Variants in MAP3K7 observed in about 807,000 individuals in gnomAD.
The protein encoded by MAP3K7 is mitogen-activated protein kinase kinase kinase 7.
In MAP3K7, 21 loss-of-function variants were observed where a neutral mutation model predicts 84.8. That is an observed-to-expected ratio of 0.25 (90% CI 0.18 to 0.36). The LOEUF (loss-of-function observed/expected upper bound fraction) is 0.36, where lower values mean the gene tolerates loss of function less well. MAP3K7 is among the 10% of genes least tolerant of loss of function. MAP3K7 has a pLI of 1.00. For synonymous variants in MAP3K7, 241 were observed against 247.7 expected, an observed-to-expected ratio of 0.97 and a Z score of 0.25; for missense variants, 503 against 747.7, an observed-to-expected ratio of 0.67 and a Z score of 3.82.
At chr6:90,543,706 A>G (rs941072898) in intron 12 of MAP3K7, among the ~76,000 whole-genome samples, 1 of 152,082 alleles carries the variant, frequency 6.6e-6, no homozygotes, top group Admixed American at 6.6e-5. Flanking sequence ...TGTGTGGAAA[A>G]TATGTATTTC....
intron 8 of MAP3K7, chr6:90,551,222 G>C (rs1776169425): frequency 1.3e-5 from 2 of 152,096 alleles, no homozygotes; most frequent in African/African-American, 2.4e-5. Context: ...TAGTAGATTA[G>C]TTCAAGCTGC....
At chr6:90,518,826 G>A (rs895733142) in intron 15 of MAP3K7, among the ~76,000 whole-genome samples, 1 of 151,680 alleles carries the variant, frequency 6.6e-6, no homozygotes, top group African/African-American at 2.4e-5. Flanking sequence ...GACATTTCAG[G>A]CTGCAAACAG....
chr6:90,555,306 A>T (rs1164180796), intron 6 of MAP3K7, among the ~76,000 whole-genome samples: 1 of 151,564 alleles, frequency 6.6e-6, no homozygotes, highest in Non-Finnish European at 1.5e-5. Flanking sequence ...CCCAGGCTGG[A>T]GTGCAGTGGC....
chr6:90,548,382 T>C (rs771855411), intron 9 of MAP3K7, among the ~76,000 whole-genome samples: 2 of 152,172 alleles, frequency 1.3e-5, no homozygotes, highest in East Asian at 1.9e-4. Flanking sequence ...GATGCCTAAA[T>C]AGTCTTCTAA....
intron 3 of MAP3K7, among the ~76,000 whole-genome samples, chr6:90,566,020 A>G (rs1288060838): frequency 6.6e-6 from 1 of 152,240 alleles, no homozygotes. Context: ...ACAGCCCTTC[A>G]TGCTAAAAAC....
At chr6:90,577,572 GC>G (rs1777129561) in intron 1 of MAP3K7, among the ~76,000 whole-genome samples, 1 of 152,170 alleles carries the variant, frequency 6.6e-6, no homozygotes, top group Non-Finnish European at 1.5e-5. Context: ...GAAGGAATGG[GC>G]AAGGAACAGG....
chr6:90,573,904 G>A (rs530952366), intron 1 of MAP3K7, among the ~76,000 whole-genome samples: 30 of 152,336 alleles, frequency 2.0e-4, no homozygotes, highest in Admixed American at 1.4e-3. Context: ...GTGTTCTGTG[G>A]TTTAGGTTCT....
intron 1 of MAP3K7, among the ~76,000 whole-genome samples, chr6:90,578,785 G>T (rs1777171130): frequency 6.6e-6 from 1 of 152,090 alleles, no homozygotes; most frequent in Admixed American, 6.5e-5. Context: ...CATAAAAAAA[G>T]CTTCCCAGGG....
intron 13 of MAP3K7, among the ~76,000 whole-genome samples, 153 bp downstream of exon 13, chr6:90,536,184 T>C (rs1400722794): frequency 2.6e-5 from 4 of 152,114 alleles, no homozygotes; most frequent in African/African-American, 9.6e-5. Flanking sequence ...CCTATGTTTT[T>C]TTCCCCCCTA....
At chr6:90,584,632 T>C (rs185281547) in intron 1 of MAP3K7, among the ~76,000 whole-genome samples, 2 of 152,250 alleles carry the variant, frequency 1.3e-5, no homozygotes, top group Admixed American at 6.5e-5. Context: ...TCCTTAGTAA[T>C]TTGTTTTTCC....
intron 6 of MAP3K7, among the ~76,000 whole-genome samples, 160 bp from the exon 7 acceptor site, chr6:90,553,746 C>G (rs1776251935): frequency 6.6e-6 from 1 of 152,126 alleles, no homozygotes; most frequent in Admixed American, 6.5e-5. Context: ...GTCTTTTCAA[C>G]AAGTACATTT....
At chr6:90,570,265 T>C (rs1582231909) in intron 2 of MAP3K7, among the ~76,000 whole-genome samples, 4 of 152,256 alleles carry the variant, frequency 2.6e-5, no homozygotes, top group Middle Eastern at 3.4e-3. Flanking sequence ...CAATAACTGA[T>C]AGAGCAGACC....
At chr6:90,571,606 G>T in intron 2 of MAP3K7, 91 bp downstream of exon 2, 1 of 660,290 alleles carries the variant, frequency 1.5e-6, no homozygotes, top group South Asian at 2.8e-5. Context: ...ACAAAGAAAT[G>T]ACATCTGAGA....
chr6:90,564,421 T>C (rs930936089), intron 3 of MAP3K7, among the ~76,000 whole-genome samples: 3 of 152,130 alleles, frequency 2.0e-5, no homozygotes, highest in African/African-American at 7.2e-5. Context: ...GTTGCAATCC[T>C]AGTCTCTGAT....
intron 13 of MAP3K7, among the ~76,000 whole-genome samples, chr6:90,533,351 G>T (rs546900897): frequency 5.1e-4 from 77 of 152,304 alleles, no homozygotes; most frequent in African/African-American, 1.8e-3. Context: ...ATTTATTGCA[G>T]TGAAGGAGAA....
At chr6:90,566,392 A>C (rs1776705709) in intron 3 of MAP3K7, among the ~76,000 whole-genome samples, 1 of 152,200 alleles carries the variant, frequency 6.6e-6, no homozygotes, top group East Asian at 1.9e-4. Flanking sequence ...ATGTGCAAAA[A>C]TCACAAGCAT....
At chr6:90,518,779 A>G (rs1775053924) in intron 15 of MAP3K7, among the ~76,000 whole-genome samples, 1 of 151,850 alleles carries the variant, frequency 6.6e-6, no homozygotes, top group African/African-American at 2.4e-5. Flanking sequence ...AGTCTGTTAC[A>G]GAGAATCATG....
intron 1 of MAP3K7, among the ~76,000 whole-genome samples, chr6:90,578,245 G>A (rs779967900): frequency 2.0e-5 from 3 of 152,086 alleles, no homozygotes; most frequent in Non-Finnish European, 2.9e-5. Context: ...AAGAAATACC[G>A]GCAGGAGGAC....
chr6:90,559,407 T>C (rs1403734627), intron 5 of MAP3K7, among the ~76,000 whole-genome samples: 1 of 151,732 alleles, frequency 6.6e-6, no homozygotes, highest in African/African-American at 2.4e-5. Context: ...AGAAGATACG[T>C]GGAGACTATT....
Sources: gnomAD v4.1 joint callset for allele counts (sites outside exome capture counted in the v4.1 genomes callset) on GRCh38, gnomAD v4.1.1 for gene constraint, MANE v1.5 for transcripts, NCBI Gene and HGNC (gene_info 2026-07-23, HGNC 2026-07-21) for gene names.